The following SBF2 variants were observed in gnomAD, a reference collection of about 807,000 sequenced individuals.
The protein encoded by SBF2 is SET binding factor 2.
Under a neutral mutation model 225.2 loss-of-function variants are expected in SBF2, and 112 were observed. That is an observed-to-expected ratio of 0.50 (90% confidence interval 0.43 to 0.58). The LOEUF (loss-of-function observed/expected upper bound fraction) is 0.58, where lower values mean the gene tolerates loss of function less well. SBF2 is among the 20% of genes least tolerant of loss of function. The pLI, the probability that SBF2 is intolerant of heterozygous loss-of-function variation, is 0.00. For missense variants in SBF2, 1,996 were observed against 2,206.2 expected, an observed-to-expected ratio of 0.90 and a Z score of 1.91; for synonymous variants, 763 against 773.3, an observed-to-expected ratio of 0.99 and a Z score of 0.22.
In SBF2 at chr11:9,955,372, C is replaced by T. The variant is rs547956698; in HGVS notation, c.1860+6585G>A. On this transcript the variant is annotated intron_variant, in intron 16 of 39. Coordinates refer to ENST00000256190, the MANE Select transcript of SBF2 (RefSeq NM_030962.4). ...GATTCATATCTACTTTATGTAACTT[C>T]CCTTTTGCCTACTTAGCAATATATA... Among the ~76,000 whole-genome samples the T allele has an allele frequency of 7.9e-5, 12 of 152,110 alleles. 1 individual carries two copies. In the South Asian group the frequency reaches 2.5e-3, roughly 32 times the overall value.
chr11:9,962,194 T>A (rs1866618256), intron 15 of SBF2, 88 bp from the exon 16 acceptor site: 3 of 1,137,656 alleles, frequency 2.6e-6, no homozygotes, highest in Non-Finnish European at 2.6e-6. Flanking sequence ...TTCAAACGCA[T>A]CCTATAATTT....
intron 16 of SBF2, among the ~76,000 whole-genome samples, chr11:9,942,948 A>C: frequency 6.6e-6 from 1 of 150,542 alleles, no homozygotes; most frequent in South Asian, 2.1e-4. Flanking sequence ...AGAAGGAAGG[A>C]ACGAAGGAAG....
chr11:9,807,670 G>A (rs545515097), intron 32 of SBF2, among the ~76,000 whole-genome samples: 6 of 152,304 alleles, frequency 3.9e-5, no homozygotes, highest in Admixed American at 6.5e-5. Flanking sequence ...CCATGTGCTC[G>A]ATTTCAGGAC....
intron 32 of SBF2, among the ~76,000 whole-genome samples, chr11:9,805,777 C>CA (rs1188534118): frequency 6.6e-6 from 1 of 152,146 alleles, no homozygotes; most frequent in Non-Finnish European, 1.5e-5. Context: ...CGTGCGCCCC[C>CA]ACGTCTGGCT....
intron 1 of SBF2, among the ~76,000 whole-genome samples, chr11:10,258,950 G>A (rs147970705): frequency 4.6e-5 from 7 of 152,006 alleles, no homozygotes; most frequent in African/African-American, 1.7e-4. Flanking sequence ...AAAAATGAGG[G>A]GCAGGGAACA....
chr11:10,049,753 G>A (rs1241009870), intron 2 of SBF2, among the ~76,000 whole-genome samples: 1 of 152,226 alleles, frequency 6.6e-6, no homozygotes, highest in Non-Finnish European at 1.5e-5. Context: ...GAGAATGGGT[G>A]TTAACATGTA....
At chr11:9,932,212 A>G (rs371132895) in intron 16 of SBF2, among the ~76,000 whole-genome samples, 1 of 152,224 alleles carries the variant, frequency 6.6e-6, no homozygotes, top group Admixed American at 6.5e-5. Flanking sequence ...ACTCTTCAGG[A>G]TATCATCCAG....
At chr11:10,139,618 T>A (rs1158306050) in intron 2 of SBF2, among the ~76,000 whole-genome samples, 1 of 152,206 alleles carries the variant, frequency 6.6e-6, no homozygotes, top group African/African-American at 2.4e-5. Context: ...ACATTTTCTA[T>A]CACATGGGCT....
chr11:10,285,110 C>T (rs1591366922), intron 1 of SBF2, among the ~76,000 whole-genome samples: 1 of 152,058 alleles, frequency 6.6e-6, no homozygotes, highest in African/African-American at 2.4e-5. Flanking sequence ...AGGAGTTCAA[C>T]ACCAGCCTGG....
intron 6 of SBF2, among the ~76,000 whole-genome samples, chr11:10,008,760 A>AG (rs1252149648): frequency 6.6e-6 from 1 of 152,192 alleles, no homozygotes; most frequent in Non-Finnish European, 1.5e-5. Flanking sequence ...TCTTGAGCTG[A>AG]GGGGGGCCTA....
rs1032796987 is a variant in SBF2 at position 9,993,091 on chromosome 11, G to C, written c.1066C>G (p.Arg356Gly). ...GCAAATAATCTAAGGAAAACGGCTC[G>C]CACCTCTTTATCCTAAAAATATAAG... The part of the protein sequence containing the change: ...SHSKMLDKEV[R>G]AVFLRLFAQL... Residue 356 changes from arginine to glycine, a missense_variant, in exon 11 of 40, where the codon CGA (arginine) becomes GGA (glycine). By Grantham distance (125) the Arg-to-Gly change is moderately radical (BLOSUM62 -2). Transcript: ENST00000256190. 1.2e-6 allele frequency: 2 copies of C among 1,608,424 alleles called. No individual in the cohort carries two copies. Among genetic ancestry groups the C allele is most frequent in the Non-Finnish European group, 1.7e-6 (2 of 1,177,144 alleles).
intron 1 of SBF2, among the ~76,000 whole-genome samples, chr11:10,267,886 A>G (rs1962147100): frequency 6.6e-6 from 1 of 152,178 alleles, no homozygotes; most frequent in Non-Finnish European, 1.5e-5. Context: ...TCTTAAATGA[A>G]TATTTATTCT....
chr11:9,980,733 C>T (rs1476473326), intron 13 of SBF2, among the ~76,000 whole-genome samples: 3 of 151,946 alleles, frequency 2.0e-5, no homozygotes, highest in Non-Finnish European at 2.9e-5. Flanking sequence ...CGCCTGACAC[C>T]GCGCCCGGCT....
At position 9,858,242 on chromosome 11, in the gene SBF2, G is replaced by A. The variant is rs759749653; in HGVS notation, c.2084C>T (p.Pro695Leu). 3 of 1,614,086 alleles carry A rather than the reference G, an allele frequency of 1.9e-6. No homozygotes were observed. The highest frequency in any genetic ancestry group is 1.1e-5 in the South Asian group (1 of 91,086). ...YLSAKEDNHA[P>L]HLKQKDKLPD... ...CTCTCTTACCTTTTGCTTCAGATGC[G>A]GGGCATGATTGTCTTCCTTGGCTGA... is the stretch of plus-strand genomic sequence containing the variant. The change falls in exon 18 of 40, where the codon CCG becomes CTG. Residue 695 changes from proline to leucine, a missense_variant. Pro to Leu is a moderately conservative substitution (Grantham distance 98). Transcript: ENST00000256190.
chr11:9,846,153 A>G (rs939241567), intron 23 of SBF2, among the ~76,000 whole-genome samples: 7 of 152,322 alleles, frequency 4.6e-5, no homozygotes, highest in African/African-American at 1.7e-4. Flanking sequence ...CAGCTAGGCA[A>G]TATTTGAGTG....
intron 1 of SBF2, chr11:10,271,971 A>G: frequency 1.4e-6 from 1 of 735,446 alleles, no homozygotes; most frequent in Non-Finnish European, 2.1e-6. Context: ...AAAGTTAGGT[A>G]AAAGTGTTTT....
chr11:10,260,444 C>T (rs1473874279), intron 1 of SBF2, among the ~76,000 whole-genome samples: 4 of 151,760 alleles, frequency 2.6e-5, no homozygotes, highest in Admixed American at 6.6e-5. Flanking sequence ...AGGTCGGGCA[C>T]GGTGGCTCAC....
chr11:9,867,466 T>C (rs982741356), intron 17 of SBF2, among the ~76,000 whole-genome samples: 2 of 152,188 alleles, frequency 1.3e-5, no homozygotes, highest in Admixed American at 6.5e-5. Flanking sequence ...ATAGCCATTA[T>C]GCAAAAACAG....
intron 1 of SBF2, among the ~76,000 whole-genome samples, chr11:10,258,081 T>TACACACACACACACACACACAC (rs57653852): frequency 2.2e-5 from 3 of 138,940 alleles, no homozygotes; most frequent in Non-Finnish European, 4.6e-5. Context: ...TACACACACA[T>TACACACACACACACACACACAC]ACACACACAC....
Sources: gnomAD v4.1 joint callset for allele counts (sites outside exome capture counted in the v4.1 genomes callset) on GRCh38, gnomAD v4.1.1 for gene constraint, MANE v1.5 for transcripts, NCBI Gene and HGNC (gene_info 2026-07-23, HGNC 2026-07-21) for gene names.